Variants in UBXN2B observed in about 807,000 individuals in gnomAD.
The protein encoded by UBXN2B is UBX domain protein 2B.
UBXN2B carries 19 observed loss-of-function variants against 37.5 expected under a neutral mutation model. The ratio of observed to expected loss-of-function variants is 0.51; its 90% confidence interval spans 0.35 to 0.74. The LOEUF is 0.74. Among genes scored for constraint, UBXN2B ranks in the 30% least tolerant of loss-of-function variants. The probability of loss-of-function intolerance (pLI) is 0.01; values close to 1 mark genes in which losing one functional copy is unlikely to be tolerated. For missense variants in UBXN2B, 370 were observed against 393.2 expected, an observed-to-expected ratio of 0.94 and a Z score of 0.50; for synonymous variants, 145 against 143.8, an observed-to-expected ratio of 1.01 and a Z score of -0.06.
rs532444286 is a variant in UBXN2B at position 58,424,689 on chromosome 8, G to GC, written c.189-5830_189-5829insC. The GC allele has an allele frequency of 4.9e-5, 62 of 1,275,930 alleles. No homozygotes were observed. In the African/African-American group the frequency reaches 8.7e-4, roughly 18 times the overall value. 79.0% of individuals were successfully genotyped at this position (1,275,930 alleles called of 1,614,324 possible). On this transcript the variant is annotated intron_variant, in intron 2 of 7. Coordinates refer to ENST00000399598, the MANE Select transcript of UBXN2B (RefSeq NM_001077619.2). ...CAGCGTGGAGTTGGAGTACAAGGCG[G>GC]GGGGGGGGGCTCTGATCTCCACTCG...
At chr8:58,439,102 G>T (rs562236492) in intron 5 of UBXN2B, among the ~76,000 whole-genome samples, 2 of 152,228 alleles carry the variant, frequency 1.3e-5, no homozygotes, top group South Asian at 4.1e-4. Context: ...GTTTCCCGAG[G>T]TCTCACCAGA....
chr8:58,436,987 A>T (rs758641422), intron 5 of UBXN2B, among the ~76,000 whole-genome samples: 1 of 152,228 alleles, frequency 6.6e-6, no homozygotes, highest in Non-Finnish European at 1.5e-5. Flanking sequence ...CTAAAGATAC[A>T]TGAAGATGTG....
At chr8:58,440,703 T>G (rs1370299592) in intron 6 of UBXN2B, among the ~76,000 whole-genome samples, 1 of 152,216 alleles carries the variant, frequency 6.6e-6, no homozygotes. Context: ...TTCATGTGAT[T>G]CCTTCCCTTC....
At chr8:58,435,190 G>A in intron 5 of UBXN2B, 1 of 1,267,732 alleles carries the variant, frequency 7.9e-7, no homozygotes, top group African/African-American at 1.5e-5. Context: ...TTGTAGGAAA[G>A]GATCAGAGTT....
intron 2 of UBXN2B, chr8:58,425,619 A>C (rs898115863): frequency 8.9e-7 from 1 of 1,122,966 alleles, no homozygotes; most frequent in African/African-American, 1.5e-5. Flanking sequence ...GTAGTGTCTC[A>C]AATTCTTCCG....
At chr8:58,442,301 A>G (rs895962120) in intron 6 of UBXN2B, among the ~76,000 whole-genome samples, 1 of 152,240 alleles carries the variant, frequency 6.6e-6, no homozygotes, top group African/African-American at 2.4e-5. Flanking sequence ...CAAATATCAT[A>G]TATTCTAAAG....
At chr8:58,436,827 G>C (rs1808424161) in intron 5 of UBXN2B, among the ~76,000 whole-genome samples, 1 of 152,208 alleles carries the variant, frequency 6.6e-6, no homozygotes, top group Admixed American at 6.5e-5. Flanking sequence ...ACCAGAAGGA[G>C]AATCTGGTAC....
chr8:58,426,200 ATC>A, intron 2 of UBXN2B: 15 of 559,224 alleles, frequency 2.7e-5, no homozygotes, highest in Admixed American at 3.0e-5. Flanking sequence ...AGTGTTCTGA[ATC>A]TTTTTTTTTT....
intron 6 of UBXN2B, among the ~76,000 whole-genome samples, chr8:58,443,977 T>C (rs1808613210): frequency 6.6e-6 from 1 of 152,234 alleles, no homozygotes; most frequent in Admixed American, 6.5e-5. Flanking sequence ...GCCTAAATTA[T>C]GTTGGAAGTC....
chr8:58,441,921 G>A (rs1023346972), intron 6 of UBXN2B, among the ~76,000 whole-genome samples: 3 of 152,142 alleles, frequency 2.0e-5, no homozygotes, highest in African/African-American at 7.2e-5. Flanking sequence ...ATCTGGAAGA[G>A]GCAAGCAAAC....
rs117723461 is a variant in UBXN2B, at chr8:58,434,532, G to A, written c.533+28G>A. On this transcript the variant is annotated intron_variant, in intron 5 of 7. Coordinates refer to ENST00000399598, the MANE Select transcript of UBXN2B (RefSeq NM_001077619.2). Reference sequence around the variant, plus strand: ...AAGATGTATTATTTGTATTCTATTTGTTATGTAGAGTGGGACTTATTTTCT... The same window carrying A: ...AAGATGTATTATTTGTATTCTATTTATTATGTAGAGTGGGACTTATTTTCT... The A allele has an allele frequency of 3.1e-3, 4,482 of 1,450,266 alleles. 7 individuals carry two copies. The highest frequency in any genetic ancestry group is 3.8e-3 in the Non-Finnish European group (4,089 of 1,072,720). The allele number at this position is 1,450,266 out of a possible 1,614,324, so 89.8% of individuals were successfully genotyped here.
rs1563453308 is a variant in UBXN2B at position 58,411,385 on chromosome 8, G to A, written c.-1G>A. 2.4e-6 allele frequency: 3 copies of A among 1,269,840 alleles called. No individual in the cohort carries two copies. The highest frequency in any genetic ancestry group is 3.0e-6 in the Non-Finnish European group (3 of 1,004,074). 78.7% of individuals were successfully genotyped at this position (1,269,840 alleles called of 1,614,324 possible). A position where few individuals can be genotyped will look rare whatever the true frequency, so the allele number is the denominator to read the frequency against. On this transcript the variant is annotated 5_prime_UTR_variant, in exon 1 of 8. Transcript: ENST00000399598. ...CAGCGGGCGCCGCTAGCCAGCGGAA[G>A]ATGGCGGAGGGCGGAGGCCCTGAGC...
chr8:58,446,092 C>A, intron 7 of UBXN2B, 24 bp downstream of exon 7: 1 of 1,591,214 alleles, frequency 6.3e-7, no homozygotes. Context: ...CCAACAGTGT[C>A]CTGTTTGCTG....
chr8:58,446,779 A>ATTGTTTTTTTTTTTTTT (rs1808682530), intron 7 of UBXN2B, among the ~76,000 whole-genome samples: 1 of 17,386 alleles, frequency 5.8e-5, no homozygotes, highest in African/African-American at 2.2e-4. Context: ...TACAACCTGC[A>ATTGTTTTTTTTTTTTTT]TTTTTTTTTT....
intron 3 of UBXN2B, among the ~76,000 whole-genome samples, chr8:58,431,810 A>G (rs1459262402): frequency 6.6e-6 from 1 of 152,198 alleles, no homozygotes; most frequent in Non-Finnish European, 1.5e-5. Flanking sequence ...CTAATAACTA[A>G]TGATGTTAAT....
At position 58,450,426 on chromosome 8, in the gene UBXN2B, C is replaced by A. The variant is rs1479073076; in HGVS notation, c.*2875C>A. 1 of 152,204 alleles carries A rather than the reference C, an allele frequency of 6.6e-6. No homozygotes were observed. The highest frequency in any genetic ancestry group is 2.4e-5 in the African/African-American group (1 of 41,440). 9.4% of individuals were successfully genotyped at this position (152,204 alleles called of 1,614,324 possible). Reference sequence around the variant, plus strand: ...GCTTTTCGCCACTATGTAACAAGGACTCCTTTCCTCCACTTCTCCAGTAAC... The same window carrying A: ...GCTTTTCGCCACTATGTAACAAGGAATCCTTTCCTCCACTTCTCCAGTAAC... On this transcript the variant is annotated 3_prime_UTR_variant, in exon 8 of 8. Coordinates refer to ENST00000399598, the MANE Select transcript of UBXN2B (RefSeq NM_001077619.2).
At chr8:58,424,036 T>C (rs1808006545) in intron 2 of UBXN2B, among the ~76,000 whole-genome samples, 1 of 151,950 alleles carries the variant, frequency 6.6e-6, no homozygotes, top group Admixed American at 6.5e-5. Context: ...CTTCTGACAG[T>C]CTCAGGCCCT....
Position 58,444,572 on chromosome 8 carries a change from C to T in UBXN2B, c.672-1335C>T, listed in dbSNP as rs142130822. On this transcript the variant is annotated intron_variant, in intron 6 of 7. Coordinates refer to ENST00000399598, the MANE Select transcript of UBXN2B (RefSeq NM_001077619.2). ...TGTGTATACCTGGTTATCAGTGAGG[C>T]GGAGGTAAAGAGGACCTTTGCATTC... 3.8e-3 allele frequency among the ~76,000 whole-genome samples: 578 copies of T among 152,228 alleles called. 3 individuals carry two copies. The highest frequency in any genetic ancestry group is 6.1e-3 in the Non-Finnish European group (417 of 68,018).
chr8:58,424,947 C>G, intron 2 of UBXN2B: 4 of 793,606 alleles, frequency 5.0e-6, no homozygotes, highest in Non-Finnish European at 6.8e-6. Context: ...TGATGTCAGT[C>G]AGAATATCAA....
Sources: gnomAD v4.1 joint callset for allele counts (sites outside exome capture counted in the v4.1 genomes callset) on GRCh38, gnomAD v4.1.1 for gene constraint, MANE v1.5 for transcripts, NCBI Gene and HGNC (gene_info 2026-07-23, HGNC 2026-07-21) for gene names.